The following USP34 variants were observed in gnomAD, a reference collection of about 807,000 sequenced individuals.
USP34 encodes the protein ubiquitin specific peptidase 34, also known as ubiquitin carboxyl-terminal hydrolase 34.
USP34 carries 70 observed loss-of-function variants against 460.3 expected under a neutral mutation model. That is an observed-to-expected ratio of 0.15 (90% CI 0.13 to 0.19). The LOEUF is 0.19. Among genes scored for constraint, USP34 ranks in the 10% least tolerant of loss-of-function variants. The probability of loss-of-function intolerance (pLI) is 1.00; values close to 1 mark genes in which losing one functional copy is unlikely to be tolerated. For synonymous variants in USP34, 1,647 were observed against 1,405.3 expected, an observed-to-expected ratio of 1.17 and a Z score of -3.85; for missense variants, 3,985 against 4,236.2, an observed-to-expected ratio of 0.94 and a Z score of 1.65.
intron 62 of USP34, among the ~76,000 whole-genome samples, chr2:61,225,728 T>A (rs961742589): frequency 2.0e-5 from 3 of 152,252 alleles, no homozygotes; most frequent in Non-Finnish European, 4.4e-5. Flanking sequence ...CCTCTGGTAA[T>A]ATTTTTGTCA....
At chr2:61,310,418 A>C (rs1690550041) in intron 27 of USP34, among the ~76,000 whole-genome samples, 1 of 152,086 alleles carries the variant, frequency 6.6e-6, no homozygotes, top group Non-Finnish European at 1.5e-5. Context: ...AAAAAGAATG[A>C]GGTAACTTTC....
intron 1 of USP34, among the ~76,000 whole-genome samples, chr2:61,442,318 A>C (rs1004506822): frequency 6.6e-6 from 1 of 151,904 alleles, no homozygotes; most frequent in African/African-American, 2.4e-5. Flanking sequence ...AAAAAAGACA[A>C]CCTACAGAAT....
intron 1 of USP34, among the ~76,000 whole-genome samples, chr2:61,448,478 G>C (rs748524682): frequency 1.3e-5 from 2 of 152,158 alleles, no homozygotes; most frequent in Non-Finnish European, 2.9e-5. Context: ...AAAATGCAAA[G>C]AATATCTTAT....
intron 5 of USP34, among the ~76,000 whole-genome samples, chr2:61,394,218 G>T (rs981904186): frequency 3.3e-5 from 5 of 152,162 alleles, no homozygotes; most frequent in Non-Finnish European, 7.4e-5. Flanking sequence ...ATTTTCAAAG[G>T]CAAGAAGAAA....
chr2:61,204,193 G>C, intron 74 of USP34, 63 bp downstream of exon 74: 1 of 1,603,430 alleles, frequency 6.2e-7, no homozygotes, highest in Non-Finnish European at 8.5e-7. Context: ...ATAACTGCCA[G>C]GGGAAAAATT....
At chr2:61,313,868 C>T (rs992521481) in intron 25 of USP34, among the ~76,000 whole-genome samples, 1 of 152,018 alleles carries the variant, frequency 6.6e-6, no homozygotes, top group African/African-American at 2.4e-5. Flanking sequence ...ACTTGTATCA[C>T]TTCAATATCA....
rs751970486 is a variant in USP34, at chr2:61,348,829, C to T, written c.1601G>A (p.Gly534Asp). The change falls in exon 14 of 80, where the codon GGT (glycine) becomes GAT (aspartate). Residue 534 changes from glycine (G) to aspartate (D), a missense_variant. Gly to Asp is a moderately conservative substitution (Grantham distance 94). Around this residue, in one of 14 missense-constraint regions of USP34, gnomAD observed 716 missense variants for 626.2 expected, o/e 1.14. Coordinates refer to ENST00000398571, the MANE Select transcript of USP34 (RefSeq NM_014709.4). The part of the protein sequence containing the change: ...SDNSDTHQSG[G>D]SDIEMDEQLI... ...TTGCTCATCCATTTCAATGTCACTACCTCCACTTTGATGTGTATCGCTATT... is the reference window on the plus strand; with the variant it reads ...TTGCTCATCCATTTCAATGTCACTATCTCCACTTTGATGTGTATCGCTATT... 8.1e-6 allele frequency: 13 copies of T among 1,613,742 alleles called. No homozygotes were observed. The highest frequency in any genetic ancestry group is 2.7e-5 in the African/African-American group (2 of 74,924).
intron 67 of USP34, among the ~76,000 whole-genome samples, chr2:61,218,205 T>A (rs937540899): frequency 3.3e-5 from 5 of 149,356 alleles, no homozygotes; most frequent in Non-Finnish European, 5.9e-5. Context: ...GGTCAAGACA[T>A]GAATGCCAAC....
At chr2:61,226,565 G>A (rs1027850707) in intron 62 of USP34, among the ~76,000 whole-genome samples, 1 of 151,992 alleles carries the variant, frequency 6.6e-6, no homozygotes, top group African/African-American at 2.4e-5. Context: ...AGATTTCTCT[G>A]TGGTAGTACA....
At chr2:61,202,054 C>T (rs1259231651) in intron 75 of USP34, among the ~76,000 whole-genome samples, 1 of 152,162 alleles carries the variant, frequency 6.6e-6, no homozygotes, top group Admixed American at 6.5e-5. Context: ...CTAATAATAC[C>T]AGGTTACCAG....
chr2:61,321,429 G>A (rs900295767), intron 21 of USP34, among the ~76,000 whole-genome samples: 11 of 152,066 alleles, frequency 7.2e-5, no homozygotes, highest in African/African-American at 2.4e-4. Flanking sequence ...CAAGATTTGC[G>A]CCACTGCTCT....
At chr2:61,282,414 T>C (rs1689561898) in intron 37 of USP34, among the ~76,000 whole-genome samples, 2 of 152,238 alleles carry the variant, frequency 1.3e-5, no homozygotes, top group East Asian at 1.9e-4. Flanking sequence ...AAAAATTATA[T>C]TGGCCTCAGT....
intron 1 of USP34, among the ~76,000 whole-genome samples, chr2:61,461,148 T>TG (rs1273382986): frequency 1.3e-5 from 2 of 151,928 alleles, no homozygotes; most frequent in Non-Finnish European, 2.9e-5. Flanking sequence ...CTCAGCATTT[T>TG]GGGAGGCTGA....
Position 61,232,438 on chromosome 2 carries a change from A to G in USP34, c.7113+14T>C, listed in dbSNP as rs760064894. 4.4e-6 allele frequency: 7 copies of G among 1,589,600 alleles called. No homozygotes were observed. In the South Asian group the frequency reaches 8.0e-5, roughly 18 times the overall value. ...CTTTTCCAAATAATTTTTTTCAAAC[A>G]TATTTTTCCTTACCTGTCTCACAAT... On this transcript the variant is annotated intron_variant, in intron 58 of 79. Coordinates refer to ENST00000398571, the MANE Select transcript of USP34 (RefSeq NM_014709.4).
rs2103838516 is a variant in USP34 at position 61,371,085 on chromosome 2, T to C, written c.1077-506A>G. The stretch of plus-strand genomic sequence containing the variant: ...AGTGAAGTAACAGACAGTCATGTAC[T>C]GCATAATAATGATTTGGTCAATGGC... On this transcript the variant is annotated intron_variant, in intron 8 of 79. Transcript: ENST00000398571. Among the ~76,000 whole-genome samples, 9 of 152,330 alleles carry C rather than the reference T, an allele frequency of 5.9e-5. No homozygotes were observed. The Middle Eastern group carries it at 0.027, about 461-fold the overall frequency.
intron 7 of USP34, among the ~76,000 whole-genome samples, chr2:61,379,263 A>C (rs1474543276): frequency 1.3e-5 from 2 of 152,248 alleles, no homozygotes; most frequent in Non-Finnish European, 2.9e-5. Context: ...TCACGCCTGT[A>C]ATCCCAACAC....
chr2:61,271,012 G>C (rs537966741), intron 41 of USP34, among the ~76,000 whole-genome samples: 3 of 151,986 alleles, frequency 2.0e-5, no homozygotes, highest in African/African-American at 7.2e-5. Flanking sequence ...GGCCAGGCGC[G>C]GTGGCTCATG....
chr2:61,209,365 G>GA (rs1484718538), intron 69 of USP34, among the ~76,000 whole-genome samples: 1 of 151,876 alleles, frequency 6.6e-6, no homozygotes, highest in Non-Finnish European at 1.5e-5. Flanking sequence ...TAACATGAAG[G>GA]AAAAAAATAC....
intron 1 of USP34, among the ~76,000 whole-genome samples, chr2:61,437,774 A>AAAATACATAAATAAAT (rs1694855228): frequency 7.4e-6 from 1 of 134,540 alleles, no homozygotes; most frequent in African/African-American, 2.8e-5. Flanking sequence ...CTCCGTCTCA[A>AAAATACATAAATAAAT]AAATAAATAA....
Sources: allele counts gnomAD v4.1 joint callset (sites outside exome capture counted in the v4.1 genomes callset), GRCh38; gene constraint gnomAD v4.1.1; regional missense constraint gnomAD v4.1.1; transcripts MANE v1.5; gene names NCBI Gene and HGNC (gene_info 2026-07-23, HGNC 2026-07-21).